DSCAM: variants seen among roughly 807,000 people sequenced by gnomAD.
The protein encoded by DSCAM is cell adhesion molecule DSCAM.
In DSCAM, 47 loss-of-function variants were observed where a neutral mutation model predicts 217.7. The observed-to-expected ratio is 0.22, with a 90% CI of 0.17 to 0.28. The LOEUF is 0.28. Among genes scored for constraint, DSCAM ranks in the 10% least tolerant of loss-of-function variants. The probability of loss-of-function intolerance (pLI) is 1.00; values close to 1 mark genes in which losing one functional copy is unlikely to be tolerated. For missense variants in DSCAM, 2,080 were observed against 2,618.3 expected (o/e 0.79, Z 4.49); for synonymous variants, 1,056 against 1,015.3 (o/e 1.04, Z -0.76).
intron 32 of DSCAM, among the ~76,000 whole-genome samples, chr21:40,040,798 T>C (rs1256626798): frequency 1.3e-5 from 2 of 152,204 alleles, no homozygotes; most frequent in African/African-American, 2.4e-5. Flanking sequence ...AGAACGCCTA[T>C]ACAACATGCC....
intron 21 of DSCAM, 45 bp downstream of exon 21, chr21:40,093,676 A>C (rs199538029): frequency 4.4e-6 from 7 of 1,606,876 alleles, no homozygotes; most frequent in Admixed American, 3.4e-5. Context: ...ACTTAAAAAC[A>C]GTCAAGTTAC....
chr21:40,464,984 C>A (rs145623785), intron 3 of DSCAM, among the ~76,000 whole-genome samples: 10 of 152,202 alleles, frequency 6.6e-5, no homozygotes, highest in African/African-American at 2.2e-4. Flanking sequence ...CATGATCCGC[C>A]TGCCTTGGCC....
At chr21:40,297,256 C>A (rs954064532) in intron 9 of DSCAM, among the ~76,000 whole-genome samples, 14 of 152,140 alleles carry the variant, frequency 9.2e-5, no homozygotes, top group African/African-American at 2.9e-4. Context: ...AAACATATCT[C>A]CCCAAAGAAA....
At chr21:40,757,195 T>G (rs2091285362) in intron 1 of DSCAM, among the ~76,000 whole-genome samples, 1 of 151,984 alleles carries the variant, frequency 6.6e-6, no homozygotes, top group African/African-American at 2.4e-5. Flanking sequence ...GGCTAATTTT[T>G]TTTGTATTTT....
At chr21:40,070,879 T>A (rs2089284254) in intron 27 of DSCAM, among the ~76,000 whole-genome samples, 1 of 152,230 alleles carries the variant, frequency 6.6e-6, no homozygotes, top group Admixed American at 6.5e-5. Flanking sequence ...TTGATCAGTT[T>A]TGTAACAATC....
chr21:40,780,421 GTGTATATATATATA>G (rs1175830962), intron 1 of DSCAM, among the ~76,000 whole-genome samples: 2 of 48,040 alleles, frequency 4.2e-5, no homozygotes, highest in Non-Finnish European at 7.1e-5. Flanking sequence ...GTGTGTGTGT[GTGTATATATATATA>G]TATATATATA....
chr21:40,709,983 A>G (rs1364192817), intron 1 of DSCAM, among the ~76,000 whole-genome samples: 1 of 152,144 alleles, frequency 6.6e-6, no homozygotes, highest in African/African-American at 2.4e-5. Context: ...CTATTTCTCC[A>G]CATCCTCTCC....
chr21:40,468,502 A>T (rs778306169), intron 3 of DSCAM, among the ~76,000 whole-genome samples: 13 of 152,156 alleles, frequency 8.5e-5, no homozygotes, highest in Non-Finnish European at 1.8e-4. Flanking sequence ...GAAGTCAGGG[A>T]GTAAATGGAA....
In DSCAM at chr21:40,338,137, G is replaced by C. The variant is rs2074448016; in HGVS notation, c.1747C>G (p.Leu583Val). The change falls in exon 8 of 33, where the codon CTC becomes GTC. Residue 583 changes from leucine to valine, a missense_variant. Around this residue, in one of 5 missense-constraint regions of DSCAM, gnomAD observed 218 missense variants for 364.1 expected, o/e 0.60. Transcript: ENST00000400454. The stretch of plus-strand genomic sequence containing the variant: ...ACGTGGACGCTCTGGCTGGTGGAGA[G>C]TTGTGGTTGAACCAACACGTTGCAC... ...YTCNVLVQPQLSTSQSVHVTV... is the reference protein window; with the variant it reads ...YTCNVLVQPQVSTSQSVHVTV... 6.2e-7 allele frequency: 1 copy of C among 1,614,236 alleles called. No homozygotes were observed. The highest frequency in any genetic ancestry group is 8.5e-7 in the Non-Finnish European group (1 of 1,180,042).
intron 3 of DSCAM, among the ~76,000 whole-genome samples, chr21:40,456,426 C>T (rs1194124561): frequency 6.6e-6 from 1 of 151,804 alleles, no homozygotes; most frequent in African/African-American, 2.4e-5. Context: ...AAATGTTATA[C>T]CCAGGCAGAA....
At chr21:40,752,645 T>A (rs1016659443) in intron 1 of DSCAM, among the ~76,000 whole-genome samples, 72 of 152,066 alleles carry the variant, frequency 4.7e-4, no homozygotes, top group African/African-American at 1.7e-3. Flanking sequence ...CATGATTACA[T>A]CACTGTACTC....
intron 1 of DSCAM, among the ~76,000 whole-genome samples, chr21:40,827,783 G>C (rs2091982042): frequency 1.3e-5 from 2 of 152,182 alleles, no homozygotes; most frequent in South Asian, 4.1e-4. Context: ...AGGCAACTTT[G>C]TGTATCGTTC....
intron 3 of DSCAM, among the ~76,000 whole-genome samples, chr21:40,519,858 G>A (rs1017862043): frequency 1.4e-5 from 2 of 144,814 alleles, no homozygotes; most frequent in Admixed American, 7.0e-5. Flanking sequence ...CTCTGTGTGT[G>A]TGTATGCGTG....
intron 3 of DSCAM, among the ~76,000 whole-genome samples, chr21:40,542,291 T>C (rs1050463284): frequency 1.3e-5 from 2 of 152,306 alleles, no homozygotes; most frequent in East Asian, 1.9e-4. Flanking sequence ...TAAGAGAACA[T>C]TTTTAGGGGT....
chr21:40,707,139 T>C (rs2090726471), intron 2 of DSCAM, among the ~76,000 whole-genome samples: 1 of 152,230 alleles, frequency 6.6e-6, no homozygotes, highest in Non-Finnish European at 1.5e-5. Flanking sequence ...GCAGACATAA[T>C]GGATTAATAC....
At chr21:40,595,056 A>G (rs1049628558) in intron 3 of DSCAM, among the ~76,000 whole-genome samples, 2 of 152,154 alleles carry the variant, frequency 1.3e-5, no homozygotes, top group African/African-American at 4.8e-5. Context: ...TGGTGCCACC[A>G]AGTGCAATTG....
At chr21:40,185,240 T>C (rs867558899) in intron 14 of DSCAM, among the ~76,000 whole-genome samples, 1 of 151,330 alleles carries the variant, frequency 6.6e-6, no homozygotes. Context: ...ATGGAGGGGG[T>C]AGTAACTGGG....
Position 40,128,516 on chromosome 21 carries a change from G to A in DSCAM, c.3563-4188C>T, listed in dbSNP as rs1029477193. On this transcript the variant is annotated intron_variant, in intron 19 of 32. Transcript: ENST00000400454. ...AAGGAAAGTTTCCTGGGTGGGCTGG[G>A]TTTAATCAGATGCGCCCCTTAGAAG... Among the ~76,000 whole-genome samples, 4 of 151,988 alleles carry A rather than the reference G, an allele frequency of 2.6e-5. No homozygotes were observed. In the East Asian group the frequency reaches 5.8e-4, roughly 22 times the overall value.
At chr21:40,654,089 C>T (rs1158143943) in intron 3 of DSCAM, among the ~76,000 whole-genome samples, 1 of 125,150 alleles carries the variant, frequency 8.0e-6, no homozygotes, top group Non-Finnish European at 1.6e-5. Context: ...ATTGAGATTC[C>T]ATCTCAAAAA....
Sources: allele counts gnomAD v4.1 joint callset (sites outside exome capture counted in the v4.1 genomes callset), GRCh38; gene constraint gnomAD v4.1.1; regional missense constraint gnomAD v4.1.1; transcripts MANE v1.5; gene names NCBI Gene and HGNC (gene_info 2026-07-23, HGNC 2026-07-21).